Variants in MAGI2 observed in about 807,000 individuals in gnomAD.
MAGI2 encodes membrane-associated guanylate kinase, WW and PDZ domain-containing protein 2.
A neutral mutation model predicts 133.3 loss-of-function variants in MAGI2; 35 were observed. That is an observed-to-expected ratio of 0.26 (90% CI 0.20 to 0.35). The LOEUF is 0.35. MAGI2 is among the 10% of genes least tolerant of loss of function. MAGI2 has a pLI of 1.00. For missense variants in MAGI2, 1,636 were observed against 1,863.4 expected, an observed-to-expected ratio of 0.88 and a Z score of 2.25; for synonymous variants, 729 against 710.6, an observed-to-expected ratio of 1.03 and a Z score of -0.41.
intron 2 of MAGI2, among the ~76,000 whole-genome samples, chr7:78,999,487 C>T (rs1488428544): frequency 1.3e-5 from 2 of 151,936 alleles, no homozygotes; most frequent in Non-Finnish European, 2.9e-5. Flanking sequence ...ACTCTGTGAC[C>T]AGGAAAGATA....
intron 9 of MAGI2, among the ~76,000 whole-genome samples, chr7:78,262,587 A>G (rs1793617158): frequency 6.6e-6 from 1 of 152,142 alleles, no homozygotes; most frequent in African/African-American, 2.4e-5. Context: ...CAGGGGGTTT[A>G]TGTTGTTAGG....
intron 2 of MAGI2, among the ~76,000 whole-genome samples, chr7:78,945,427 C>T (rs934421442): frequency 3.3e-5 from 5 of 152,074 alleles, no homozygotes; most frequent in Non-Finnish European, 7.4e-5. Context: ...TATTTTGAAG[C>T]ACATATACAT....
At chr7:79,200,673 A>C (rs1202502712) in intron 1 of MAGI2, among the ~76,000 whole-genome samples, 6 of 151,834 alleles carry the variant, frequency 4.0e-5, no homozygotes, top group Non-Finnish European at 5.9e-5. Context: ...CAGTCTTGTG[A>C]AAGTGTTATC....
At chr7:78,714,582 G>A (rs891689394) in intron 2 of MAGI2, among the ~76,000 whole-genome samples, 8 of 152,174 alleles carry the variant, frequency 5.3e-5, no homozygotes, top group African/African-American at 1.2e-4. Flanking sequence ...TCATGGAGGC[G>A]GGTACTGTGA....
intron 10 of MAGI2, among the ~76,000 whole-genome samples, chr7:78,227,979 C>T (rs1048953608): frequency 5.3e-5 from 8 of 152,166 alleles, no homozygotes; most frequent in Admixed American, 5.2e-4. Flanking sequence ...ATATGTTAGG[C>T]TTTGCAGGCT....
intron 1 of MAGI2, among the ~76,000 whole-genome samples, chr7:79,041,673 T>C (rs1049505313): frequency 6.6e-6 from 1 of 152,042 alleles, no homozygotes; most frequent in Admixed American, 6.6e-5. Context: ...AACAAATAGA[T>C]AAATGAATAT....
intron 20 of MAGI2, among the ~76,000 whole-genome samples, chr7:78,083,239 G>C (rs1035150749): frequency 1.3e-5 from 2 of 151,850 alleles, no homozygotes; most frequent in Admixed American, 6.6e-5. Context: ...CTGCCACAGA[G>C]CTATCTTCAA....
At chr7:78,538,191 T>A (rs1193454199) in intron 3 of MAGI2, among the ~76,000 whole-genome samples, 1 of 152,236 alleles carries the variant, frequency 6.6e-6, no homozygotes, top group Non-Finnish European at 1.5e-5. Context: ...TCCCTGTGGC[T>A]ATTTTTATGC....
At chr7:79,321,424 T>C (rs935927521) in intron 1 of MAGI2, among the ~76,000 whole-genome samples, 1 of 151,782 alleles carries the variant, frequency 6.6e-6, no homozygotes, top group Non-Finnish European at 1.5e-5. Flanking sequence ...TGAGGTCGTC[T>C]AATATTTAAT....
intron 7 of MAGI2, among the ~76,000 whole-genome samples, chr7:78,357,664 T>C (rs1325845307): frequency 6.6e-6 from 1 of 152,198 alleles, no homozygotes; most frequent in Non-Finnish European, 1.5e-5. Flanking sequence ...TAGTGCTTAA[T>C]AAGCTTTCAG....
chr7:79,440,156 A>G (rs1361785336), intron 1 of MAGI2, among the ~76,000 whole-genome samples: 1 of 148,814 alleles, frequency 6.7e-6, no homozygotes, highest in Non-Finnish European at 1.5e-5. Flanking sequence ...CTTAGATATC[A>G]CAGCATTTCT....
intron 2 of MAGI2, among the ~76,000 whole-genome samples, chr7:78,730,912 T>A (rs1479706231): frequency 6.6e-6 from 1 of 152,112 alleles, no homozygotes; most frequent in Non-Finnish European, 1.5e-5. Context: ...AGCCAAAACT[T>A]TGAGGTTGAA....
chr7:79,343,675 C>A (rs190477817), intron 1 of MAGI2, among the ~76,000 whole-genome samples: 377 of 152,188 alleles, frequency 2.5e-3, no homozygotes, highest in Middle Eastern at 0.014. Flanking sequence ...CGATTCTGCT[C>A]CCTGTAGCTA....
At chr7:79,404,096 C>T (rs1845648360) in intron 1 of MAGI2, among the ~76,000 whole-genome samples, 1 of 152,154 alleles carries the variant, frequency 6.6e-6, no homozygotes, top group South Asian at 2.1e-4. Flanking sequence ...AACTGTCTGA[C>T]AGTCTAGCCC....
At chr7:78,986,269 A>T (rs1340931711) in intron 2 of MAGI2, among the ~76,000 whole-genome samples, 1 of 152,128 alleles carries the variant, frequency 6.6e-6, no homozygotes, top group Non-Finnish European at 1.5e-5. Context: ...TAGAAAGGCT[A>T]AATTGTTTTT....
At chr7:78,665,736 G>T (rs1037182830) in intron 2 of MAGI2, among the ~76,000 whole-genome samples, 1 of 152,028 alleles carries the variant, frequency 6.6e-6, no homozygotes, top group Admixed American at 6.6e-5. Context: ...AGGATAAAAT[G>T]CCAAAATAAT....
chr7:79,391,932 C>A (rs913718398), intron 1 of MAGI2, among the ~76,000 whole-genome samples: 1 of 151,996 alleles, frequency 6.6e-6, no homozygotes, highest in African/African-American at 2.4e-5. Context: ...GATCTGCCCG[C>A]CTTGGCCTCC....
intron 18 of MAGI2, among the ~76,000 whole-genome samples, chr7:78,130,174 G>T (rs1215871708): frequency 6.6e-6 from 1 of 151,940 alleles, no homozygotes; most frequent in African/African-American, 2.4e-5. Flanking sequence ...TAGTGTTTTT[G>T]CTTATCTTCA....
intron 1 of MAGI2, among the ~76,000 whole-genome samples, chr7:79,436,470 A>G (rs942562866): frequency 2.6e-5 from 4 of 152,198 alleles, no homozygotes; most frequent in Non-Finnish European, 5.9e-5. Flanking sequence ...AAGGACTAAT[A>G]TCCAGAACCT....
Sources: gnomAD v4.1 joint callset for allele counts (sites outside exome capture counted in the v4.1 genomes callset) on GRCh38, gnomAD v4.1.1 for gene constraint, MANE v1.5 for transcripts, NCBI Gene and HGNC (gene_info 2026-07-23, HGNC 2026-07-21) for gene names.